NRG3: variants seen among roughly 807,000 people sequenced by gnomAD.
NRG3 encodes the protein pro-neuregulin-3, membrane-bound isoform.
NRG3 carries 31 observed loss-of-function variants against 66.9 expected under a neutral mutation model. The ratio of observed to expected loss-of-function variants is 0.46; its 90% CI spans 0.35 to 0.63. The LOEUF (loss-of-function observed/expected upper bound fraction) is 0.63. NRG3 is among the 20% of genes least tolerant of loss of function. The pLI, the probability that NRG3 is intolerant of heterozygous loss-of-function variation, is 0.00. For missense variants in NRG3, 910 were observed against 878.9 expected, an observed-to-expected ratio of 1.04 and a Z score of -0.45; for synonymous variants, 393 against 359.4, an observed-to-expected ratio of 1.09 and a Z score of -1.06.
chr10:82,939,055 T>G (rs1401411444), intron 4 of NRG3, among the ~76,000 whole-genome samples: 2 of 152,178 alleles, frequency 1.3e-5, no homozygotes, highest in Admixed American at 1.3e-4. Context: ...TACTTATAAT[T>G]TATTTGTGGA....
chr10:82,808,807 A>G (rs762641666), intron 3 of NRG3, among the ~76,000 whole-genome samples: 2 of 152,272 alleles, frequency 1.3e-5, no homozygotes, highest in Non-Finnish European at 2.9e-5. Flanking sequence ...ATGATAAAAC[A>G]ATATATGGCT....
intron 1 of NRG3, among the ~76,000 whole-genome samples, chr10:82,262,091 G>T (rs1251017550): frequency 6.6e-6 from 1 of 152,178 alleles, no homozygotes; most frequent in Non-Finnish European, 1.5e-5. Flanking sequence ...TGATTGGAAA[G>T]CCTGCAGAAC....
intron 1 of NRG3, among the ~76,000 whole-genome samples, chr10:82,177,419 T>G (rs530544525): frequency 5.3e-5 from 8 of 152,186 alleles, no homozygotes; most frequent in Admixed American, 3.9e-4. Flanking sequence ...AGATAAACTT[T>G]TTAGATAAAT....
At chr10:82,330,337 A>T (rs1189546228) in intron 1 of NRG3, among the ~76,000 whole-genome samples, 1 of 151,412 alleles carries the variant, frequency 6.6e-6, no homozygotes, top group African/African-American at 2.4e-5. Context: ...TGCTATATTT[A>T]CCTGATTTTT....
chr10:82,725,405 T>C (rs1449593244), intron 2 of NRG3, among the ~76,000 whole-genome samples: 2 of 152,248 alleles, frequency 1.3e-5, no homozygotes, highest in African/African-American at 4.8e-5. Flanking sequence ...GAAATTCATA[T>C]TCTACCCTTG....
intron 4 of NRG3, among the ~76,000 whole-genome samples, chr10:82,881,020 G>A (rs1365686348): frequency 1.3e-5 from 2 of 152,160 alleles, no homozygotes; most frequent in Non-Finnish European, 2.9e-5. Context: ...TTAGCAAAAG[G>A]GGTTGGAATA....
intron 1 of NRG3, among the ~76,000 whole-genome samples, chr10:82,206,902 T>C (rs1308471718): frequency 2.0e-5 from 3 of 152,188 alleles, no homozygotes; most frequent in East Asian, 3.9e-4. Context: ...GCCAAACTTA[T>C]GAGGTTGATA....
chr10:82,392,890 A>AT, intron 2 of NRG3, among the ~76,000 whole-genome samples: 1 of 112,982 alleles, frequency 8.9e-6, no homozygotes, highest in African/African-American at 5.3e-5. Flanking sequence ...ATATATATAT[A>AT]TATATATATT....
At chr10:82,570,710 G>A (rs1470655408) in intron 2 of NRG3, among the ~76,000 whole-genome samples, 1 of 151,636 alleles carries the variant, frequency 6.6e-6, no homozygotes, top group Non-Finnish European at 1.5e-5. Context: ...CACTAAGGAA[G>A]CAGCAAATCT....
At chr10:82,050,708 C>T (rs2063550455) in intron 1 of NRG3, among the ~76,000 whole-genome samples, 1 of 150,078 alleles carries the variant, frequency 6.7e-6, no homozygotes, top group Non-Finnish European at 1.5e-5. Context: ...TCACAGGCTG[C>T]CAACCAGGTA....
chr10:82,784,138 G>T (rs1367441766), intron 3 of NRG3, among the ~76,000 whole-genome samples: 1 of 152,080 alleles, frequency 6.6e-6, no homozygotes, highest in East Asian at 1.9e-4. Flanking sequence ...ATGGTGCTGG[G>T]AAAACTGGCT....
intron 1 of NRG3, among the ~76,000 whole-genome samples, chr10:82,330,578 AT>A (rs1056649115): frequency 4.0e-5 from 6 of 151,852 alleles, no homozygotes; most frequent in Admixed American, 2.6e-4. Flanking sequence ...TTTGAACAAC[AT>A]TTTTTTTCTG....
At chr10:82,467,623 TGGACAGGAAGGGAACAAGA>T (rs1840814756) in intron 2 of NRG3, among the ~76,000 whole-genome samples, 1 of 152,100 alleles carries the variant, frequency 6.6e-6, no homozygotes, top group Non-Finnish European at 1.5e-5. Flanking sequence ...CCTAAGCTGC[TGGACAGGAAGGGAACAAGA>T]GGACAGGAAT....
intron 1 of NRG3, among the ~76,000 whole-genome samples, chr10:81,918,288 G>A (rs985821845): frequency 2.6e-5 from 4 of 152,134 alleles, no homozygotes; most frequent in African/African-American, 9.7e-5. Context: ...TATAGGTCAA[G>A]GACTAGTTTC....
At chr10:82,156,774 T>C (rs1276387114) in intron 1 of NRG3, among the ~76,000 whole-genome samples, 1 of 151,638 alleles carries the variant, frequency 6.6e-6, no homozygotes, top group Non-Finnish European at 1.5e-5. Context: ...TATAGGTTTT[T>C]TTACATTTTA....
At chr10:82,607,640 CT>C (rs1335533361) in intron 2 of NRG3, among the ~76,000 whole-genome samples, 2 of 151,890 alleles carry the variant, frequency 1.3e-5, no homozygotes, top group African/African-American at 2.4e-5. Context: ...TGCTCTTGTT[CT>C]CTTTTTTTCT....
rs1350459217 is a variant in NRG3 at position 82,580,398 on chromosome 10, ATAT to A, written c.954-158170_954-158168del. Among the ~76,000 whole-genome samples the A allele has an allele frequency of 3.9e-5, 6 of 152,090 alleles. No individual in the cohort carries two copies. In the East Asian group the frequency reaches 9.7e-4, roughly 25 times the overall value. ...TTACAATTGAAGAACAAATATGGAA[ATAT>A]TATTATTAACTGAAGTCCGTAGTTT... is the stretch of plus-strand genomic sequence containing the variant. On this transcript the variant is annotated intron_variant, in intron 2 of 8. Transcript: ENST00000372141.
At chr10:82,426,637 A>ATTATTATTG (rs1177705042) in intron 2 of NRG3, among the ~76,000 whole-genome samples, 2 of 127,624 alleles carry the variant, frequency 1.6e-5, no homozygotes, top group African/African-American at 3.1e-5. Flanking sequence ...TATTATTATT[A>ATTATTATTG]TTATTATTAT....
At chr10:82,454,122 C>T (rs1273123715) in intron 2 of NRG3, among the ~76,000 whole-genome samples, 1 of 152,118 alleles carries the variant, frequency 6.6e-6, no homozygotes, top group Non-Finnish European at 1.5e-5. Flanking sequence ...AGATCAATTG[C>T]CAGATGGAAG....
Sources: gnomAD v4.1 joint callset for allele counts (sites outside exome capture counted in the v4.1 genomes callset) on GRCh38, gnomAD v4.1.1 for gene constraint, MANE v1.5 for transcripts, NCBI Gene and HGNC (gene_info 2026-07-23, HGNC 2026-07-21) for gene names.